CSMD1: variants seen among roughly 807,000 people sequenced by gnomAD.
CSMD1 encodes CUB and sushi domain-containing protein 1.
Under a neutral mutation model 417.5 loss-of-function variants are expected in CSMD1, and 213 were observed. The observed-to-expected ratio is 0.51, with a 90% CI of 0.46 to 0.57. The LOEUF is 0.57. CSMD1 is among the 20% of genes least tolerant of loss of function. The pLI, the probability that CSMD1 is intolerant of heterozygous loss-of-function variation, is 0.00. For missense variants in CSMD1, 6,923 were observed against 4,529.7 expected, an observed-to-expected ratio of 1.53 and a Z score of -15.17; for synonymous variants, 2,862 against 1,736.8, an observed-to-expected ratio of 1.65 and a Z score of -16.11.
At chr8:3,586,347 C>T (rs1800601396) in intron 8 of CSMD1, 87 bp from the exon 9 acceptor site, 7 of 1,306,742 alleles carry the variant, frequency 5.4e-6, no homozygotes, top group Non-Finnish European at 6.2e-6. Context: ...AAAATGGCTG[C>T]TACGATCTTG....
At chr8:3,867,523 T>C (rs754214210) in intron 5 of CSMD1, among the ~76,000 whole-genome samples, 1 of 152,204 alleles carries the variant, frequency 6.6e-6, no homozygotes, top group Non-Finnish European at 1.5e-5. Context: ...TGTTTTAATG[T>C]GTCCCAGACA....
At chr8:3,016,294 A>G (rs914069873) in intron 52 of CSMD1, among the ~76,000 whole-genome samples, 1 of 152,106 alleles carries the variant, frequency 6.6e-6, no homozygotes. Context: ...TGTTCCCTTC[A>G]TCTATCTTAG....
chr8:3,082,983 G>A (rs565693025), intron 49 of CSMD1, among the ~76,000 whole-genome samples: 1 of 152,290 alleles, frequency 6.6e-6, no homozygotes, highest in Non-Finnish European at 1.5e-5. Context: ...CGAAGACGTG[G>A]TGATGTGTTA....
intron 3 of CSMD1, among the ~76,000 whole-genome samples, chr8:4,299,054 C>T (rs1343888193): frequency 6.6e-6 from 1 of 152,054 alleles, no homozygotes; most frequent in East Asian, 1.9e-4. Context: ...AATAAATATT[C>T]TCCTGTTAAT....
chr8:4,793,505 C>T (rs560642616), intron 1 of CSMD1, among the ~76,000 whole-genome samples: 2 of 152,148 alleles, frequency 1.3e-5, no homozygotes, highest in East Asian at 1.9e-4. Flanking sequence ...CCCTGGTTCC[C>T]AGACACCTAC....
intron 52 of CSMD1, among the ~76,000 whole-genome samples, chr8:3,004,427 G>C (rs1807696326): frequency 6.6e-6 from 1 of 152,294 alleles, no homozygotes; most frequent in Non-Finnish European, 1.5e-5. Flanking sequence ...AAGAAAGCAA[G>C]TGACCCACTT....
At chr8:4,293,750 T>A (rs895943494) in intron 3 of CSMD1, among the ~76,000 whole-genome samples, 23 of 152,302 alleles carry the variant, frequency 1.5e-4, no homozygotes, top group Admixed American at 4.6e-4. Context: ...GCACAGATAT[T>A]TTTGTCTTAT....
At chr8:3,587,375 A>G (rs1475238903) in intron 8 of CSMD1, among the ~76,000 whole-genome samples, 2 of 152,300 alleles carry the variant, frequency 1.3e-5, no homozygotes, top group Non-Finnish European at 2.9e-5. Context: ...AGGAAATTCT[A>G]CTCATGTTTT....
chr8:4,351,964 T>C (rs1450245155), intron 3 of CSMD1, among the ~76,000 whole-genome samples: 16 of 149,710 alleles, frequency 1.1e-4, no homozygotes, highest in African/African-American at 3.9e-4. Context: ...TTTTTTTTTT[T>C]CAGAAAAAAA....
chr8:3,180,008 T>C (rs1460402), intron 37 of CSMD1, among the ~76,000 whole-genome samples: 18,476 of 152,244 alleles, frequency 0.12, 1,456 homozygotes, highest in Admixed American at 0.2. Flanking sequence ...TGCATTTACA[T>C]CGTAGCAAAC....
intron 5 of CSMD1, among the ~76,000 whole-genome samples, chr8:3,985,423 G>T (rs549357745): frequency 6.6e-6 from 1 of 151,820 alleles, no homozygotes; most frequent in South Asian, 2.1e-4. Context: ...AGTCTTATGT[G>T]CACACACACA....
At chr8:4,768,324 C>G (rs1390075008) in intron 1 of CSMD1, among the ~76,000 whole-genome samples, 1 of 151,992 alleles carries the variant, frequency 6.6e-6, no homozygotes, top group East Asian at 1.9e-4. Flanking sequence ...CGCCTATGAT[C>G]GTAACATGAG....
chr8:4,624,015 G>T (rs904554927), intron 2 of CSMD1, among the ~76,000 whole-genome samples: 1 of 152,048 alleles, frequency 6.6e-6, no homozygotes, highest in African/African-American at 2.4e-5. Flanking sequence ...GTGAATAATT[G>T]TAACTAAAGG....
At chr8:3,437,320 A>G (rs1213304075) in intron 12 of CSMD1, among the ~76,000 whole-genome samples, 1 of 152,186 alleles carries the variant, frequency 6.6e-6, no homozygotes, top group African/African-American at 2.4e-5. Context: ...CCACTCCATT[A>G]TTATTGGCCT....
At chr8:4,326,554 G>C (rs537347433) in intron 3 of CSMD1, among the ~76,000 whole-genome samples, 2 of 152,286 alleles carry the variant, frequency 1.3e-5, no homozygotes, top group Non-Finnish European at 2.9e-5. Context: ...GGGCATAAAG[G>C]AAAGTGAACG....
intron 3 of CSMD1, among the ~76,000 whole-genome samples, chr8:4,177,100 T>C (rs965185986): frequency 2.0e-5 from 3 of 152,148 alleles, no homozygotes; most frequent in African/African-American, 4.8e-5. Context: ...TCTACAGAAC[T>C]CTCCACCCCA....
chr8:3,975,890 G>C (rs557937533), intron 5 of CSMD1, among the ~76,000 whole-genome samples: 1 of 151,798 alleles, frequency 6.6e-6, no homozygotes, highest in Admixed American at 6.6e-5. Context: ...GTTTTCATTA[G>C]TTGCAAATGA....
At chr8:3,144,597 T>C (rs2129032715) in intron 40 of CSMD1, among the ~76,000 whole-genome samples, 1 of 152,154 alleles carries the variant, frequency 6.6e-6, no homozygotes, top group East Asian at 1.9e-4. Context: ...TCTAACATCG[T>C]CTGCTGTATA....
At chr8:4,236,124 G>A (rs1395128908) in intron 3 of CSMD1, among the ~76,000 whole-genome samples, 1 of 148,252 alleles carries the variant, frequency 6.7e-6, no homozygotes, top group African/African-American at 2.5e-5. Context: ...TTCAAACGGT[G>A]GGATAAAAAC....
Sources: allele counts gnomAD v4.1 joint callset (sites outside exome capture counted in the v4.1 genomes callset), GRCh38; gene constraint gnomAD v4.1.1; transcripts MANE v1.5; gene names NCBI Gene and HGNC (gene_info 2026-07-23, HGNC 2026-07-21).